DNER: variants seen among roughly 807,000 people sequenced by gnomAD.
DNER encodes the protein delta/notch like EGF repeat containing.
Under a neutral mutation model 78.2 loss-of-function variants are expected in DNER, and 33 were observed. That is an observed-to-expected ratio of 0.42 (90% CI 0.32 to 0.56). The LOEUF (loss-of-function observed/expected upper bound fraction) is 0.56. Among genes scored for constraint, DNER ranks in the 20% least tolerant of loss-of-function variants. DNER has a pLI of 0.11. For synonymous variants in DNER, 417 were observed against 384.8 expected (o/e 1.08, Z -0.98); for missense variants, 918 against 975.3 (o/e 0.94, Z 0.78).
rs760706711 is a variant in DNER, at chr2:229,388,264, C to G, written c.1855+1G>C. ...AGTGGCTGAGCTGCAGAAATACTTA[C>G]GGATCTCACAGTTTGCTCCCACCCA... On this transcript the variant is annotated splice_donor_variant, in intron 11 of 12. Coordinates refer to ENST00000341772, the MANE Select transcript of DNER (RefSeq NM_139072.4). LOFTEE classifies it high-confidence loss of function. The G allele has an allele frequency of 2.5e-6, 4 of 1,605,310 alleles. No homozygotes were observed. Among genetic ancestry groups the G allele is most frequent in the Non-Finnish European group, 3.4e-6 (4 of 1,175,690 alleles).
chr2:229,438,932 T>G (rs1171350415), intron 8 of DNER, among the ~76,000 whole-genome samples: 1 of 152,234 alleles, frequency 6.6e-6, no homozygotes, highest in Non-Finnish European at 1.5e-5. Flanking sequence ...TGACCCCATT[T>G]GCTATTTACT....
At chr2:229,417,256 G>A (rs1197480511) in intron 9 of DNER, among the ~76,000 whole-genome samples, 3 of 152,168 alleles carry the variant, frequency 2.0e-5, no homozygotes, top group Admixed American at 6.5e-5. Flanking sequence ...GCAACGGTGA[G>A]GGCAATGCAA....
chr2:229,416,204 T>A (rs1693647927), intron 9 of DNER, among the ~76,000 whole-genome samples: 1 of 152,246 alleles, frequency 6.6e-6, no homozygotes, highest in Admixed American at 6.5e-5. Flanking sequence ...ATATTTTGAT[T>A]CTCTCATGCA....
intron 6 of DNER, among the ~76,000 whole-genome samples, chr2:229,486,663 C>A (rs1695282638): frequency 6.6e-6 from 1 of 152,178 alleles, no homozygotes; most frequent in African/African-American, 2.4e-5. Context: ...CAAGAGCTTG[C>A]ACCATGCTTG....
At chr2:229,657,671 C>G (rs1276283515) in intron 1 of DNER, among the ~76,000 whole-genome samples, 1 of 152,152 alleles carries the variant, frequency 6.6e-6, no homozygotes, top group Non-Finnish European at 1.5e-5. Context: ...TACGTAAGGC[C>G]TAAGCAACTC....
intron 11 of DNER, among the ~76,000 whole-genome samples, chr2:229,371,430 G>A (rs1692480372): frequency 6.6e-6 from 1 of 152,244 alleles, no homozygotes; most frequent in African/African-American, 2.4e-5. Flanking sequence ...CCCAGCAGGT[G>A]CATGACCAGG....
At chr2:229,461,601 A>G (rs1439122340) in intron 7 of DNER, among the ~76,000 whole-genome samples, 1 of 152,102 alleles carries the variant, frequency 6.6e-6, no homozygotes, top group East Asian at 1.9e-4. Context: ...TGTCATATAA[A>G]TAATAAAAAT....
rs1365744291 is a variant in DNER at position 229,512,934 on chromosome 2, T to A, written c.996A>T (p.Ala332=). 1.2e-6 allele frequency: 2 copies of A among 1,613,652 alleles called. No individual in the cohort carries two copies. Among genetic ancestry groups the A allele is most frequent in the Admixed American group, 3.3e-5 (2 of 59,994 alleles). The stretch of plus-strand genomic sequence containing the variant: ...GCTCCTCACAGGTACAGGAAAAAGT[T>A]GCCTAAAACACAAAAAAAGCACAGT... ...KGKCTTKPSE[A]TFSCTCEEQY... is the part of the protein sequence containing the mutation. The change falls in exon 6 of 13, where the codon GCA becomes GCT. Residue 332 remains alanine, a splice_region_variant and synonymous_variant. Coordinates refer to ENST00000341772, the MANE Select transcript of DNER (RefSeq NM_139072.4).
chr2:229,408,603 G>C (rs1323913034), intron 9 of DNER, among the ~76,000 whole-genome samples: 1 of 152,148 alleles, frequency 6.6e-6, no homozygotes, highest in Non-Finnish European at 1.5e-5. Context: ...TCATTACTTA[G>C]CTCATGTTGT....
rs1316085452 is a variant in DNER at position 229,608,728 on chromosome 2, G to C, written c.277-16840C>G. On this transcript the variant is annotated intron_variant, in intron 1 of 12. Transcript: ENST00000341772. ...TGTTTCTGGGTAGAGAGGGAGGGAA[G>C]TGGGTTGGGGAGGAGTAGGGTAGTG... Among the ~76,000 whole-genome samples the C allele has an allele frequency of 3.3e-5, 5 of 152,296 alleles. No individual in the cohort carries two copies. The East Asian group carries it at 7.7e-4, about 23-fold the overall frequency.
chr2:229,552,913 A>T (rs1412201042), intron 4 of DNER, among the ~76,000 whole-genome samples: 2 of 152,148 alleles, frequency 1.3e-5, no homozygotes, highest in Non-Finnish European at 2.9e-5. Context: ...GAGGACTATA[A>T]AAAGCTATTA....
Position 229,407,262 on chromosome 2 carries a change from C to T in DNER, c.1693G>A (p.Gly565Ser). ...GATCDSDGLN[G>S]TCICAPGFTG... Reference sequence around the variant, plus strand: ...AACCCGGGTGCACAGATGCACGTGCCATTCAGGCCGTCGCTGTCACAGGTG... The same window carrying T: ...AACCCGGGTGCACAGATGCACGTGCTATTCAGGCCGTCGCTGTCACAGGTG... Residue 565 changes from glycine (G) to serine (S), a missense_variant, in exon 10 of 13, where the codon GGC becomes AGC. Coordinates refer to ENST00000341772, the MANE Select transcript of DNER (RefSeq NM_139072.4). 1.9e-6 allele frequency: 3 copies of T among 1,613,582 alleles called. No homozygotes were observed. Among genetic ancestry groups the T allele is most frequent in the East Asian group, 2.2e-5 (1 of 44,870 alleles).
intron 6 of DNER, among the ~76,000 whole-genome samples, chr2:229,510,960 C>G (rs1362543786): frequency 1.3e-5 from 2 of 152,146 alleles, no homozygotes; most frequent in Admixed American, 6.5e-5. Context: ...ACTTAATCAT[C>G]TGGCCTGCAA....
At chr2:229,672,778 A>G (rs1219419555) in intron 1 of DNER, among the ~76,000 whole-genome samples, 4 of 152,180 alleles carry the variant, frequency 2.6e-5, no homozygotes, top group Non-Finnish European at 5.9e-5. Context: ...TCTTCACAGT[A>G]GTCACAAGTC....
rs57947628 is a variant in DNER, at chr2:229,517,109, CAAAAAAA to C, written c.994-4180_994-4174del. ...CTGGTGACAGAGTGAGACTCCGTCTCAAAAAAAAAAAAAAAAAAGAAAAAAAATTAAT... is the reference window on the plus strand; with the variant it reads ...CTGGTGACAGAGTGAGACTCCGTCTCAAAAAAAAAAAGAAAAAAAATTAAT... On this transcript the variant is annotated intron_variant, in intron 5 of 12. Transcript: ENST00000341772. 5.2e-5 allele frequency among the ~76,000 whole-genome samples: 3 copies of C among 57,898 alleles called. No homozygotes were observed. The East Asian group carries it at 1.7e-3, about 33-fold the overall frequency. The allele number at this position is 57,898 out of a possible 152,430, so 38.0% of individuals were successfully genotyped here. A position where few individuals can be genotyped will look rare whatever the true frequency, so the allele number is the denominator to read the frequency against.
At chr2:229,373,616 C>CA (rs1692535403) in intron 11 of DNER, among the ~76,000 whole-genome samples, 3 of 152,120 alleles carry the variant, frequency 2.0e-5, no homozygotes, top group South Asian at 2.1e-4. Context: ...ATTGTTCTAC[C>CA]AAAAAAGCAC....
intron 1 of DNER, among the ~76,000 whole-genome samples, chr2:229,672,118 G>A (rs957350020): frequency 2.0e-5 from 3 of 152,164 alleles, no homozygotes; most frequent in Non-Finnish European, 2.9e-5. Flanking sequence ...TGATTTGCCC[G>A]TGAATCTGTA....
chr2:229,493,614 T>C (rs1695445700), intron 6 of DNER, among the ~76,000 whole-genome samples: 1 of 152,162 alleles, frequency 6.6e-6, no homozygotes, highest in South Asian at 2.1e-4. Flanking sequence ...ACTGAGCCCC[T>C]ACCATACACC....
chr2:229,561,026 T>TA (rs1696949029), intron 4 of DNER, among the ~76,000 whole-genome samples: 2 of 152,196 alleles, frequency 1.3e-5, no homozygotes, highest in Admixed American at 1.3e-4. Context: ...AAAAGGCTTT[T>TA]AAAAATTTCC....
Sources: gnomAD v4.1 joint callset for allele counts (sites outside exome capture counted in the v4.1 genomes callset) on GRCh38, gnomAD v4.1.1 for gene constraint, MANE v1.5 for transcripts, NCBI Gene and HGNC (gene_info 2026-07-23, HGNC 2026-07-21) for gene names.